ALX4: variants seen among roughly 807,000 people sequenced by gnomAD.
ALX4 encodes the protein ALX homeobox 4, also known as homeobox protein aristaless-like 4.
ALX4 carries 22 observed loss-of-function variants against 40.6 expected under a neutral mutation model. The observed-to-expected ratio is 0.54, with a 90% CI of 0.39 to 0.77. The LOEUF (loss-of-function observed/expected upper bound fraction) is 0.77. Ranked by LOEUF, ALX4 falls within the 30% of genes least tolerant of loss-of-function variation. The pLI is 0.00. For synonymous variants in ALX4, 266 were observed against 240.5 expected (o/e 1.11, Z -0.98); for missense variants, 556 against 564.8 (o/e 0.98, Z 0.16).
intron 1 of ALX4, among the ~76,000 whole-genome samples, chr11:44,292,782 C>G (rs1956377405): frequency 6.6e-6 from 1 of 152,010 alleles, no homozygotes; most frequent in Non-Finnish European, 1.5e-5. Context: ...TCAGCATTCA[C>G]AATTAACATG....
chr11:44,288,518 G>A (rs778351180), intron 1 of ALX4, among the ~76,000 whole-genome samples: 1 of 152,164 alleles, frequency 6.6e-6, no homozygotes, highest in Non-Finnish European at 1.5e-5. Flanking sequence ...GGACCTGGAT[G>A]AGTTTACCTG....
rs140402809 is a variant in ALX4 at position 44,293,891 on chromosome 11, G to A, written c.466+15706C>T. On this transcript the variant is annotated intron_variant, in intron 1 of 3. Transcript: ENST00000652299. ...CTGGCCTGGTTCTCAGGATGGCTCTGGAGGGAGGAGGGAGTGGTGTCTGGG... is the reference window on the plus strand; with the variant it reads ...CTGGCCTGGTTCTCAGGATGGCTCTAGAGGGAGGAGGGAGTGGTGTCTGGG... 1.5e-3 allele frequency among the ~76,000 whole-genome samples: 226 copies of A among 152,328 alleles called. 1 individual carries two copies. The East Asian group carries it at 0.023, about 15-fold the overall frequency.
Position 44,265,493 on chromosome 11 carries a change from C to T in ALX4, c.907-310G>A, listed in dbSNP as rs538563907. Among the ~76,000 whole-genome samples, 3 of 152,254 alleles carry T rather than the reference C, an allele frequency of 2.0e-5. No homozygotes were observed. In the East Asian group the frequency reaches 5.8e-4, roughly 29 times the overall value. Reference sequence around the variant, plus strand: ...CCAGCTGGCTTCCTATTTTTAGACTCAACTGTAGACTTGGCCTCCATCTGC... The same window carrying T: ...CCAGCTGGCTTCCTATTTTTAGACTTAACTGTAGACTTGGCCTCCATCTGC... On this transcript the variant is annotated intron_variant, in intron 3 of 3. Transcript: ENST00000652299.
intron 2 of ALX4, among the ~76,000 whole-genome samples, chr11:44,269,551 C>T (rs1029892916): frequency 9.2e-5 from 14 of 152,244 alleles, no homozygotes; most frequent in African/African-American, 3.1e-4. Context: ...GCTACACGCA[C>T]GTGCATGTGT....
At chr11:44,309,152 T>TGCCCCGCAGCCCCGCAGCCCCGCA (rs1956487643) in intron 1 of ALX4, among the ~76,000 whole-genome samples, 1 of 62,114 alleles carries the variant, frequency 1.6e-5, no homozygotes, top group African/African-American at 5.1e-5. Flanking sequence ...GCAGTCCTGC[T>TGCCCCGCAGCCCCGCAGCCCCGCA]GTCCCGCAGC....
intron 2 of ALX4, among the ~76,000 whole-genome samples, chr11:44,274,453 C>T (rs187009144): frequency 0.011 from 1,303 of 116,188 alleles, 21 homozygotes; most frequent in African/African-American, 0.042. Context: ...GAGTTCTATT[C>T]GGTTGCACTG....
Position 44,310,011 on chromosome 11 carries a change from C to A in ALX4, c.52G>T (p.Asp18Tyr), listed in dbSNP as rs762975194. Residue 18 changes from aspartate (D) to tyrosine (Y), a missense_variant, in exon 1 of 4, where the codon GAC (aspartate) becomes TAC (tyrosine). By Grantham distance (160) the Asp-to-Tyr change is radical (BLOSUM62 -3). Transcript: ENST00000652299. The part of the protein sequence containing the change: ...SYCESPAAAM[D>Y]AYYSPVSQSR... The stretch of plus-strand genomic sequence containing the variant: ...TGCGACACCGGGCTGTAGTAGGCGT[C>A]CATGGCAGCGGCCGGCGACTCGCAG... 2 of 1,603,906 alleles carry A rather than the reference C, an allele frequency of 1.2e-6. No individual in the cohort carries two copies. The highest frequency in any genetic ancestry group is 1.7e-6 in the Non-Finnish European group (2 of 1,175,546).
chr11:44,304,184 G>A (rs1240883515), intron 1 of ALX4, among the ~76,000 whole-genome samples: 2 of 152,212 alleles, frequency 1.3e-5, no homozygotes, highest in Non-Finnish European at 1.5e-5. Context: ...TTCCCAATCC[G>A]ATGACTGTCA....
intron 1 of ALX4, among the ~76,000 whole-genome samples, chr11:44,284,611 G>T (rs1590695904): frequency 6.6e-6 from 1 of 152,098 alleles, no homozygotes; most frequent in African/African-American, 2.4e-5. Flanking sequence ...GGCAGGACTG[G>T]TCCCCACCAG....
rs751119502 is a variant in ALX4 at position 44,275,411 on chromosome 11, G to A, written c.714C>T (p.Tyr238=). The change falls in exon 2 of 4, where the codon TAC becomes TAT. Residue 238 remains tyrosine, a synonymous_variant. Transcript: ENST00000652299. ...ELEKVFQKTH[Y]PDVYAREQLA... ...GCTGTTCCCGCGCATACACGTCTGG[G>A]TAGTGGGTCTTCTGGAAGACCTTCT... The A allele has an allele frequency of 1.9e-6, 3 of 1,614,236 alleles. No homozygotes were observed. Among genetic ancestry groups the A allele is most frequent in the Non-Finnish European group, 2.5e-6 (3 of 1,180,036 alleles).
At chr11:44,305,065 T>C (rs1956458248) in intron 1 of ALX4, among the ~76,000 whole-genome samples, 1 of 152,234 alleles carries the variant, frequency 6.6e-6, no homozygotes. Context: ...GAAATTTTCT[T>C]AAAACAACTT....
rs1343544250 is a variant in ALX4, at chr11:44,261,087, C to A, written c.*3767G>T. On this transcript the variant is annotated 3_prime_UTR_variant, in exon 4 of 4. Coordinates refer to ENST00000652299, the MANE Select transcript of ALX4 (RefSeq NM_021926.4). Reference sequence around the variant, plus strand: ...AGTGGGGTTGATGGGTCATTGTCACCTTCTTATTTTTTAACTGGATAGTCA... The same window carrying A: ...AGTGGGGTTGATGGGTCATTGTCACATTCTTATTTTTTAACTGGATAGTCA... 1.3e-5 allele frequency: 2 copies of A among 152,138 alleles called. No homozygotes were observed. The highest frequency in any genetic ancestry group is 4.8e-5 in the African/African-American group (2 of 41,400). The allele number at this position is 152,138 out of a possible 1,614,324, so 9.4% of individuals were successfully genotyped here.
chr11:44,265,089 G>A lies in ALX4; in HGVS notation c.1001C>T (p.Pro334Leu), dbSNP rs760189256. ...PCDPVPACMSPHAHPPGSGAS... is the reference protein window; with the variant it reads ...PCDPVPACMSLHAHPPGSGAS... ...CCCAGAGCCAGGGGGGTGGGCATGAGGGGACATGCAGGCAGGCACCGGGTC... is the reference window on the plus strand; with the variant it reads ...CCCAGAGCCAGGGGGGTGGGCATGAAGGGACATGCAGGCAGGCACCGGGTC... Residue 334 changes from proline to leucine, a missense_variant, in exon 4 of 4, where the codon CCT (proline) becomes CTT (leucine). Pro to Leu is a moderately conservative substitution (Grantham distance 98). Coordinates refer to ENST00000652299, the MANE Select transcript of ALX4 (RefSeq NM_021926.4). The A allele has an allele frequency of 5.0e-5, 81 of 1,612,750 alleles. No homozygotes were observed. The highest frequency in any genetic ancestry group is 6.9e-5 in the Non-Finnish European group (81 of 1,179,882).
At chr11:44,275,136 G>T (rs961385683) in intron 2 of ALX4, among the ~76,000 whole-genome samples, 9 of 152,172 alleles carry the variant, frequency 5.9e-5, no homozygotes, top group Non-Finnish European at 1.0e-4. Flanking sequence ...CAGTGCAGAA[G>T]CCCAATATTA....
chr11:44,278,695 G>A (rs1343521275), intron 1 of ALX4, among the ~76,000 whole-genome samples: 1 of 152,194 alleles, frequency 6.6e-6, no homozygotes, highest in Admixed American at 6.5e-5. Flanking sequence ...CCTGGCCTCG[G>A]CCCCCGCTCT....
chr11:44,292,769 G>A lies in ALX4; in HGVS notation c.466+16828C>T, dbSNP rs1956377348. Among the ~76,000 whole-genome samples, 3 of 152,030 alleles carry A rather than the reference G, an allele frequency of 2.0e-5. No individual in the cohort carries two copies. The South Asian group carries it at 6.2e-4, about 32-fold the overall frequency. ...TAAGGATAAAATATAAATAATCAAT[G>A]TTTCAGCATTCACAATTAACATGTT... On this transcript the variant is annotated intron_variant, in intron 1 of 3. Coordinates refer to ENST00000652299, the MANE Select transcript of ALX4 (RefSeq NM_021926.4).
chr11:44,280,515 C>G (rs550704419), intron 1 of ALX4, among the ~76,000 whole-genome samples: 4 of 152,362 alleles, frequency 2.6e-5, no homozygotes, highest in African/African-American at 9.6e-5. Flanking sequence ...CTCCCTGGAG[C>G]AGCTCCTTGT....
chr11:44,286,513 A>C (rs1326016295), intron 1 of ALX4, among the ~76,000 whole-genome samples: 1 of 152,002 alleles, frequency 6.6e-6, no homozygotes, highest in Non-Finnish European at 1.5e-5. Context: ...AGTTCCAATA[A>C]AGTCACTGGA....
intron 1 of ALX4, among the ~76,000 whole-genome samples, chr11:44,276,487 C>T (rs1006666969): frequency 2.6e-5 from 4 of 152,224 alleles, no homozygotes; most frequent in Non-Finnish European, 5.9e-5. Flanking sequence ...CGGCACATTC[C>T]TAGCTCAGGA....
Sources: allele counts gnomAD v4.1 joint callset (sites outside exome capture counted in the v4.1 genomes callset), GRCh38; gene constraint gnomAD v4.1.1; transcripts MANE v1.5; gene names NCBI Gene and HGNC (gene_info 2026-07-23, HGNC 2026-07-21).